The following ABCA13 variants were observed in gnomAD, a reference collection of about 807,000 sequenced individuals.
ABCA13 encodes the protein ATP binding cassette subfamily A member 13, also known as ATP-binding cassette sub-family A member 13.
Under a neutral mutation model 478.7 loss-of-function variants are expected in ABCA13, and 476 were observed. The observed-to-expected ratio is 0.99, with a 90% CI of 0.92 to 1.07. The LOEUF is 1.07. Ranked by LOEUF, ABCA13 falls within the 50% of genes least tolerant of loss-of-function variation. The pLI is 0.00. For missense variants in ABCA13, 6,060 were observed against 5,910.6 expected (o/e 1.03, Z -0.83); for synonymous variants, 2,252 against 2,158.9 (o/e 1.04, Z -1.20).
intron 57 of ABCA13, among the ~76,000 whole-genome samples, chr7:48,589,575 A>G (rs1789525262): frequency 1.3e-5 from 2 of 152,230 alleles, no homozygotes; most frequent in South Asian, 4.1e-4. Context: ...TGTGATGAGA[A>G]CACTTAATAT....
chr7:48,583,329 G>A (rs1318461123), intron 56 of ABCA13, among the ~76,000 whole-genome samples: 1 of 152,048 alleles, frequency 6.6e-6, no homozygotes, highest in African/African-American at 2.4e-5. Flanking sequence ...GAAGGGCCAG[G>A]ATAAACATTT....
rs1796661157 is a variant in ABCA13, at chr7:48,278,982, C to G, written c.7788C>G (p.Asp2596Glu). ...KINDLLVPFLDLAFEMIGVEP... is the reference protein window; with the variant it reads ...KINDLLVPFLELAFEMIGVEP... ...ATGATTTGTTGGTGCCATTTCTTGA[C>G]TTGGCCTTTGAAATGATTGGGGTAG... Residue 2596 changes from aspartate to glutamate, a missense_variant, in exon 18 of 62, where the codon GAC (aspartate) becomes GAG (glutamate). Asp to Glu is a conservative substitution (Grantham distance 45, BLOSUM62 2). Coordinates refer to ENST00000435803, the MANE Select transcript of ABCA13 (RefSeq NM_152701.5). 6.2e-7 allele frequency: 1 copy of G among 1,613,248 alleles called. No homozygotes were observed. Among genetic ancestry groups the G allele is most frequent in the Non-Finnish European group, 8.5e-7 (1 of 1,179,806 alleles).
At chr7:48,442,365 A>T (rs999691643) in intron 42 of ABCA13, among the ~76,000 whole-genome samples, 8 of 152,246 alleles carry the variant, frequency 5.3e-5, no homozygotes, top group African/African-American at 1.9e-4. Context: ...ATGTTATCTG[A>T]TTTGCCCAAA....
intron 31 of ABCA13, among the ~76,000 whole-genome samples, chr7:48,357,200 C>T (rs1810071536): frequency 6.6e-6 from 1 of 151,900 alleles, no homozygotes; most frequent in Admixed American, 6.5e-5. Context: ...CCACAACAGA[C>T]CAGTGAGAGG....
intron 36 of ABCA13, 121 bp from the exon 37 acceptor site, chr7:48,388,919 G>A: frequency 3.5e-6 from 4 of 1,155,628 alleles, no homozygotes; most frequent in Non-Finnish European, 4.9e-6. Flanking sequence ...TTTTTGAGTT[G>A]ATTTGTGTGC....
At chr7:48,596,883 T>G (rs894352470) in intron 58 of ABCA13, among the ~76,000 whole-genome samples, 2 of 152,180 alleles carry the variant, frequency 1.3e-5, no homozygotes, top group Non-Finnish European at 1.5e-5. Context: ...GTAAATTTGC[T>G]TTATATGGAT....
chr7:48,296,282 C>T (rs914117195), intron 21 of ABCA13, among the ~76,000 whole-genome samples: 3 of 152,032 alleles, frequency 2.0e-5, no homozygotes, highest in Non-Finnish European at 2.9e-5. Context: ...CATTTATGGT[C>T]CCAACCACAT....
chr7:48,190,184 A>T (rs568982693), intron 1 of ABCA13, among the ~76,000 whole-genome samples: 1 of 152,194 alleles, frequency 6.6e-6, no homozygotes, highest in Non-Finnish European at 1.5e-5. Context: ...AAAAATCCAC[A>T]TTAAAAATCA....
Position 48,279,593 on chromosome 7 carries a change from A to C in ABCA13, c.8399A>C (p.Asp2800Ala), listed in dbSNP as rs750957062. The C allele has an allele frequency of 6.2e-7, 1 of 1,613,268 alleles. No individual in the cohort carries two copies. The highest frequency in any genetic ancestry group is 1.7e-5 in the Admixed American group (1 of 59,990). Residue 2800 changes from aspartate to alanine, a missense_variant, in exon 18 of 62, where the codon GAC becomes GCC. By Grantham distance (126) the Asp-to-Ala change is moderately radical (BLOSUM62 -2). Transcript: ENST00000435803. Reference protein sequence around the residue: ...EGDLNKSLYFDTPLSQNITHH... With the variant: ...EGDLNKSLYFATPLSQNITHH... ...GATTTGAATAAAAGTTTATATTTTG[A>C]CACACCTTTGAGTCAGAATATAACT...
intron 20 of ABCA13, among the ~76,000 whole-genome samples, chr7:48,288,883 G>T (rs996708075): frequency 6.6e-6 from 1 of 152,094 alleles, no homozygotes; most frequent in Non-Finnish European, 1.5e-5. Flanking sequence ...AAAGACCCCT[G>T]GGCCCCTAGG....
chr7:48,474,916 A>T (rs1399978723), intron 45 of ABCA13, among the ~76,000 whole-genome samples: 1 of 152,228 alleles, frequency 6.6e-6, no homozygotes, highest in Non-Finnish European at 1.5e-5. Context: ...ACTCACATAA[A>T]CTATGAGATT....
In ABCA13 at chr7:48,245,982, C is replaced by T; in HGVS notation, c.1611C>T (p.Ser537=). 1 of 1,613,790 alleles carries T rather than the reference C, an allele frequency of 6.2e-7. No homozygotes were observed. Among genetic ancestry groups the T allele is most frequent in the Non-Finnish European group, 8.5e-7 (1 of 1,179,782 alleles). The change falls in exon 13 of 62, where the codon TCC becomes TCT. Residue 537 remains serine, a synonymous_variant. Transcript: ENST00000435803. ...GLQGLLCYCN[S]SETSVLNKLL... ...AGGGACTGTTGTGCTATTGTAACTC[C>T]TCTGAGACGAGTGTTTTAAACAAGC... is the stretch of plus-strand genomic sequence containing the variant.
At chr7:48,559,839 GC>G (rs1786269128) in intron 55 of ABCA13, among the ~76,000 whole-genome samples, 1 of 152,172 alleles carries the variant, frequency 6.6e-6, no homozygotes, top group South Asian at 2.1e-4. Context: ...CGGAGCAAAG[GC>G]CTAGATTGGA....
rs1243790425 is a variant in ABCA13 at position 48,272,975 on chromosome 7, C to T, written c.3309C>T (p.Asp1103=). Residue 1103 remains aspartate (D), a synonymous_variant, in exon 17 of 62, where the codon GAC becomes GAT. Coordinates refer to ENST00000435803, the MANE Select transcript of ABCA13 (RefSeq NM_152701.5). Reference sequence around the variant, plus strand: ...TGGATAATAAATGCTTGATTTCGGACAATAAACACATTTCTTCCGTAAATT... The same window carrying T: ...TGGATAATAAATGCTTGATTTCGGATAATAAACACATTTCTTCCGTAAATT... ...DLLDNKCLIS[D]NKHISSVNYS... 6.2e-7 allele frequency: 1 copy of T among 1,613,448 alleles called. No homozygotes were observed. The highest frequency in any genetic ancestry group is 1.3e-5 in the African/African-American group (1 of 75,010).
At chr7:48,341,812 G>GATATATATATATATCTTTCTGAT (rs1169961559) in intron 29 of ABCA13, among the ~76,000 whole-genome samples, 118 of 48,388 alleles carry the variant, frequency 2.4e-3, no homozygotes, top group African/African-American at 8.8e-3. Flanking sequence ...TTTCTTTTCT[G>GATATATATATATATCTTTCTGAT]ATATATATAT....
At chr7:48,352,632 C>G (rs181190767) in intron 31 of ABCA13, 145 bp downstream of exon 31, 3 of 904,096 alleles carry the variant, frequency 3.3e-6, no homozygotes, top group Non-Finnish European at 4.8e-6. Context: ...TCGTAAGGTT[C>G]ATTTTTTTTA....
chr7:48,586,689 C>T (rs1365123492), intron 56 of ABCA13, among the ~76,000 whole-genome samples: 1 of 152,064 alleles, frequency 6.6e-6, no homozygotes, highest in Admixed American at 6.5e-5. Flanking sequence ...CACAATATAC[C>T]CATGTAGCAA....
chr7:48,379,583 A>C (rs534592808), intron 35 of ABCA13, among the ~76,000 whole-genome samples: 1 of 152,200 alleles, frequency 6.6e-6, no homozygotes, highest in Admixed American at 6.5e-5. Flanking sequence ...CTTATGTGGA[A>C]TAAGTTCGGA....
At chr7:48,638,087 A>G (rs1586064559) in intron 59 of ABCA13, among the ~76,000 whole-genome samples, 1 of 152,280 alleles carries the variant, frequency 6.6e-6, no homozygotes, top group East Asian at 1.9e-4. Context: ...GGAGGAAAGG[A>G]GATCTGGTTG....
Sources: allele counts gnomAD v4.1 joint callset (sites outside exome capture counted in the v4.1 genomes callset), GRCh38; gene constraint gnomAD v4.1.1; transcripts MANE v1.5; gene names NCBI Gene and HGNC (gene_info 2026-07-23, HGNC 2026-07-21).